The following PDYN variants were observed in gnomAD, a reference collection of about 807,000 sequenced individuals.
PDYN encodes prodynorphin.
PDYN carries 5 observed loss-of-function variants against 11.4 expected under a neutral mutation model. The observed-to-expected ratio is 0.44, with a 90% CI of 0.23 to 0.92. The LOEUF is 0.92. PDYN is among the 40% of genes least tolerant of loss of function. The probability of loss-of-function intolerance (pLI) is 0.24; values close to 1 mark genes in which losing one functional copy is unlikely to be tolerated. For synonymous variants in PDYN, 132 were observed against 129.5 expected (o/e 1.02, Z -0.13); for missense variants, 337 against 317.3 (o/e 1.06, Z -0.47).
rs748532675 is a variant in PDYN, at chr20:1,980,602, A to C, written c.486T>G (p.Tyr162Ter). The part of the protein sequence containing the change: ...NDGAMETGTL[Y>*]LAEEDPKEQV... ...GCTCCTTGGGGTCCTCCTCAGCGAG[A>C]TAGAGTGTGCCAGTCTCCATGGCAC... is the stretch of plus-strand genomic sequence containing the variant. The change falls in exon 4 of 4, where the codon TAT (tyrosine) becomes TAG (stop). Residue 162 changes from tyrosine to a stop codon, truncating the protein, a stop_gained. Coordinates refer to ENST00000217305, the MANE Select transcript of PDYN (RefSeq NM_024411.5). LOFTEE classifies it high-confidence loss of function. The C allele has an allele frequency of 2.6e-5, 42 of 1,614,130 alleles. No individual in the cohort carries two copies. The highest frequency in any genetic ancestry group is 3.3e-5 in the Non-Finnish European group (39 of 1,180,026).
At chr20:1,984,776 G>A (rs1312090395) in intron 2 of PDYN, among the ~76,000 whole-genome samples, 1 of 151,992 alleles carries the variant, frequency 6.6e-6, no homozygotes, top group Non-Finnish European at 1.5e-5. Flanking sequence ...GCATGTACCT[G>A]TAGCCCCATC....
rs766215776 is a variant in PDYN, at chr20:1,980,872, G to A, written c.216C>T (p.Ser72=). 2.5e-6 allele frequency: 4 copies of A among 1,614,222 alleles called. No individual in the cohort carries two copies. The highest frequency in any genetic ancestry group is 1.7e-5 in the Admixed American group (1 of 60,034). Residue 72 remains serine (S), a synonymous_variant, in exon 4 of 4, where the codon TCC becomes TCT. Transcript: ENST00000217305. ...CQSFLSFFTP[S]TLGLNDKEDL... The stretch of plus-strand genomic sequence containing the variant: ...CCTCCTTGTCATTGAGCCCAAGGGT[G>A]GAGGGGGTGAAAAAAGACAGAAAGC...
chr20:1,990,908 G>A (rs1022488897), intron 2 of PDYN, among the ~76,000 whole-genome samples: 6 of 150,922 alleles, frequency 4.0e-5, no homozygotes, highest in African/African-American at 4.9e-5. Flanking sequence ...AAAAGAGACC[G>A]AGACACCGAG....
At chr20:1,982,673 C>T (rs1987899066) in intron 3 of PDYN, among the ~76,000 whole-genome samples, 1 of 152,216 alleles carries the variant, frequency 6.6e-6, no homozygotes, top group African/African-American at 2.4e-5. Context: ...CCGAAGTCAG[C>T]ACCACCTCAG....
chr20:1,989,902 C>T (rs528074275), intron 2 of PDYN, among the ~76,000 whole-genome samples: 45 of 152,264 alleles, frequency 3.0e-4, no homozygotes, highest in Admixed American at 5.2e-4. Flanking sequence ...GCACCAGCCC[C>T]GTGCACTCCA....
chr20:1,990,748 G>C (rs933265228), intron 2 of PDYN, among the ~76,000 whole-genome samples: 1 of 151,996 alleles, frequency 6.6e-6, no homozygotes, highest in Admixed American at 6.6e-5. Flanking sequence ...TTAAGGGATG[G>C]GGAGAAAGGC....
chr20:1,987,062 G>A (rs1988220039), intron 2 of PDYN, among the ~76,000 whole-genome samples: 1 of 152,184 alleles, frequency 6.6e-6, no homozygotes, highest in South Asian at 2.1e-4. Flanking sequence ...GGGGGTCGCT[G>A]AGGTGCGAGT....
At position 1,983,018 on chromosome 20, in the gene PDYN, G is replaced by C. The variant is rs77727400; in HGVS notation, c.67C>G (p.Leu23Val). Residue 23 changes from leucine to valine, a missense_variant, in exon 3 of 4, where the codon CTG (leucine) becomes GTG (valine). Transcript: ENST00000217305. The part of the protein sequence containing the change: ...LMFPSTTADC[L>V]SRCSLCAVKT... ...ACAGCACACAAGGAGCACCGCGACA[G>C]GCAGTCCGCTGTGGTGGAGGGGAAC... is the stretch of plus-strand genomic sequence containing the variant. The C allele has an allele frequency of 1.2e-6, 2 of 1,613,966 alleles. No individual in the cohort carries two copies. The highest frequency in any genetic ancestry group is 2.7e-5 in the African/African-American group (2 of 74,942).
intron 2 of PDYN, among the ~76,000 whole-genome samples, chr20:1,992,278 G>A (rs974473977): frequency 2.0e-5 from 3 of 152,198 alleles, no homozygotes; most frequent in South Asian, 2.1e-4. Flanking sequence ...TGAGACACAC[G>A]TGTAGATGAC....
rs1450741541 is a variant in PDYN at position 1,979,579 on chromosome 20, T to G, written c.*744A>C. ...GTTTTCACTCCCTTCTGTAAGGAGT[T>G]AGGCACTGTCCAGGGTACCAACATG... On this transcript the variant is annotated 3_prime_UTR_variant, in exon 4 of 4. Transcript: ENST00000217305. The G allele has an allele frequency of 2.0e-5, 3 of 152,568 alleles. No homozygotes were observed. The highest frequency in any genetic ancestry group is 1.3e-4 in the Admixed American group (2 of 15,322). 9.5% of individuals were successfully genotyped at this position (152,568 alleles called of 1,614,324 possible).
chr20:1,982,300 T>C (rs1428386320), intron 3 of PDYN, among the ~76,000 whole-genome samples: 1 of 152,126 alleles, frequency 6.6e-6, no homozygotes, highest in Non-Finnish European at 1.5e-5. Context: ...CACTATCTCA[T>C]GGAATCACCT....
In PDYN at chr20:1,980,750, G is replaced by A; in HGVS notation, c.338C>T (p.Pro113Leu). ...LKELEKSKFL[P>L]SISTKENTLS... ...AGTGTTCTCCTTTGTTGAGATACTT[G>A]GGAGAAACTTGCTTTTCTCCAGCTC... The change falls in exon 4 of 4, where the codon CCA (proline) becomes CTA (leucine). Residue 113 changes from proline to leucine, a missense_variant. Pro to Leu is a moderately conservative substitution (Grantham distance 98). Transcript: ENST00000217305. 4 of 1,614,038 alleles carry A rather than the reference G, an allele frequency of 2.5e-6. No homozygotes were observed. Among genetic ancestry groups the A allele is most frequent in the Non-Finnish European group, 3.4e-6 (4 of 1,179,990 alleles).
chr20:1,987,272 AAT>A (rs1988230894), intron 2 of PDYN, among the ~76,000 whole-genome samples: 1 of 150,398 alleles, frequency 6.6e-6, no homozygotes, highest in South Asian at 2.1e-4. Context: ...TGAATGAATG[AAT>A]GAATGGTGTC....
At chr20:1,982,872 G>T (rs1987914243) in intron 3 of PDYN, 84 bp downstream of exon 3, 1 of 1,450,020 alleles carries the variant, frequency 6.9e-7, no homozygotes, top group Non-Finnish European at 9.6e-7. Context: ...GCACACAGCT[G>T]CCCAGGCCTG....
At chr20:1,985,003 C>T (rs758765917) in intron 2 of PDYN, among the ~76,000 whole-genome samples, 1 of 152,206 alleles carries the variant, frequency 6.6e-6, no homozygotes, top group South Asian at 2.1e-4. Context: ...GTTCTTTCAA[C>T]TGGATCCTCT....
intron 2 of PDYN, among the ~76,000 whole-genome samples, chr20:1,986,125 G>C (rs979411814): frequency 3.3e-5 from 5 of 152,182 alleles, no homozygotes; most frequent in Admixed American, 2.0e-4. Context: ...AGCAGTTCTC[G>C]TGGATTAACT....
At chr20:1,984,119 T>C (rs1988019267) in intron 2 of PDYN, among the ~76,000 whole-genome samples, 1 of 152,244 alleles carries the variant, frequency 6.6e-6, no homozygotes, top group African/African-American at 2.4e-5. Flanking sequence ...GGTAATTAGC[T>C]ATGCGAGTCT....
intron 2 of PDYN, among the ~76,000 whole-genome samples, chr20:1,989,547 T>A (rs1988340611): frequency 6.6e-6 from 1 of 152,202 alleles, no homozygotes; most frequent in African/African-American, 2.4e-5. Context: ...ACGTCTTGGC[T>A]TCTCGATGAT....
At chr20:1,991,961 C>T (rs1988467809) in intron 2 of PDYN, among the ~76,000 whole-genome samples, 1 of 152,112 alleles carries the variant, frequency 6.6e-6, no homozygotes, top group African/African-American at 2.4e-5. Flanking sequence ...GGACATAGCA[C>T]ACAGCATGAT....
Sources: gnomAD v4.1 joint callset for allele counts (sites outside exome capture counted in the v4.1 genomes callset) on GRCh38, gnomAD v4.1.1 for gene constraint, MANE v1.5 for transcripts, NCBI Gene and HGNC (gene_info 2026-07-23, HGNC 2026-07-21) for gene names.